Variants in MAMLD1 observed in about 807,000 individuals in gnomAD.
The protein encoded by MAMLD1 is mastermind like domain containing 1.
MAMLD1 carries 14 observed loss-of-function variants against 45.0 expected under a neutral mutation model. The ratio of observed to expected loss-of-function variants is 0.31; its 90% CI spans 0.21 to 0.49. The LOEUF is 0.49. MAMLD1 is among the 20% of genes least tolerant of loss of function. The pLI is 0.99. For synonymous variants in MAMLD1, 254 were observed against 247.8 expected, an observed-to-expected ratio of 1.02 and a Z score of -0.24; for missense variants, 543 against 603.6, an observed-to-expected ratio of 0.90 and a Z score of 1.05.
At chrX:150,508,158 C>T (rs888243060) in intron 6 of MAMLD1, among the ~76,000 whole-genome samples, 13 of 112,634 alleles carry the variant, frequency 1.2e-4, no homozygotes, top group Non-Finnish European at 2.1e-4. Flanking sequence ...CAAGAAGAGC[C>T]AAAGCGAAAG....
chrX:150,453,517 C>G (rs984909469), intron 2 of MAMLD1, among the ~76,000 whole-genome samples: 3 of 111,757 alleles, frequency 2.7e-5, no homozygotes, highest in African/African-American at 9.8e-5. Flanking sequence ...CTCCACACTC[C>G]CAATTCCACC....
At chrX:150,377,436 G>A (rs1161068165) in intron 1 of MAMLD1, among the ~76,000 whole-genome samples, 1 of 112,924 alleles carries the variant, frequency 8.9e-6, no homozygotes, top group Non-Finnish European at 1.9e-5. Context: ...GCAATATTTA[G>A]TGATGTTTCT....
chrX:150,413,334 G>C (rs1352595153), intron 1 of MAMLD1, among the ~76,000 whole-genome samples: 2 of 111,283 alleles, frequency 1.8e-5, no homozygotes, highest in African/African-American at 3.3e-5. Context: ...TGCAATGATG[G>C]AAGCTCAGCC....
intron 5 of MAMLD1, among the ~76,000 whole-genome samples, chrX:150,483,752 G>T (rs1175440362): frequency 9.2e-6 from 1 of 108,621 alleles, no homozygotes; most frequent in Non-Finnish European, 2.0e-5. Context: ...TGTCCTGGTG[G>T]TTCTGTTGTT....
At chrX:150,404,984 C>T (rs1202589501) in intron 1 of MAMLD1, among the ~76,000 whole-genome samples, 1 of 112,304 alleles carries the variant, frequency 8.9e-6, no homozygotes, top group Non-Finnish European at 1.9e-5. Flanking sequence ...CTGCTATCAA[C>T]GTAGCTATAC....
Position 150,503,459 on chromosome X carries a change from G to A in MAMLD1, c.2226G>A (p.Trp742Ter). The A allele has an allele frequency of 8.3e-7, 1 of 1,210,005 alleles. No individual in the cohort carries two copies. Among genetic ancestry groups the A allele is most frequent in the South Asian group, 1.8e-5 (1 of 56,888 alleles). The change falls in exon 6 of 8, where the codon TGG becomes TGA. Residue 742 changes from tryptophan to a stop codon, truncating the protein, a stop_gained. Transcript: ENST00000370401. LOFTEE classifies it high-confidence loss of function. ...STSEAAPWGSWDPKAWRQVPA... is the reference protein window; with the variant it reads ...STSEAAPWGS Reference sequence around the variant, plus strand: ...CAGAGGCAGCGCCCTGGGGCAGCTGGGATCCGAAGGCCTGGAGGCAGGTGC... The same window carrying A: ...CAGAGGCAGCGCCCTGGGGCAGCTGAGATCCGAAGGCCTGGAGGCAGGTGC...
Position 150,469,732 on chromosome X carries a change from C to T in MAMLD1, c.172-13C>T, listed in dbSNP as rs782574053. ...CTCCTCTCTTCTCCTCTTCTCTTCTCTTCCATTCACAGGGAACTGTTAAGA... is the reference window on the plus strand; with the variant it reads ...CTCCTCTCTTCTCCTCTTCTCTTCTTTTCCATTCACAGGGAACTGTTAAGA... On this transcript the variant is annotated splice_polypyrimidine_tract_variant and intron_variant, in intron 3 of 7. Transcript: ENST00000370401. 34 of 1,199,344 alleles carry T rather than the reference C, an allele frequency of 2.8e-5. No individual in the cohort carries two copies. The highest frequency in any genetic ancestry group is 8.8e-5 in the Admixed American group (4 of 45,307).
At chrX:150,407,198 T>TAACAA (rs1433811672) in intron 1 of MAMLD1, among the ~76,000 whole-genome samples, 2 of 112,263 alleles carry the variant, frequency 1.8e-5, no homozygotes, top group South Asian at 3.7e-4. Flanking sequence ...ATTAACATAT[T>TAACAA]AACAAAACAA....
chrX:150,486,258 A>G (rs1421986770), intron 5 of MAMLD1, among the ~76,000 whole-genome samples: 1 of 111,803 alleles, frequency 8.9e-6, no homozygotes, highest in East Asian at 2.8e-4. Context: ...GAGGCTACAA[A>G]TTTCCTCCTG....
At chrX:150,400,456 T>C (rs1557402392) in intron 1 of MAMLD1, among the ~76,000 whole-genome samples, 1 of 111,822 alleles carries the variant, frequency 8.9e-6, no homozygotes. Context: ...TATTTCCTTC[T>C]CCTGCCTCAT....
chrX:150,502,304 A>C (rs2037580310), intron 5 of MAMLD1, among the ~76,000 whole-genome samples: 1 of 112,304 alleles, frequency 8.9e-6, no homozygotes, highest in African/African-American at 3.2e-5. Flanking sequence ...TAATGGACAT[A>C]GATGATCACT....
At chrX:150,375,121 T>C (rs915030863) in intron 1 of MAMLD1, among the ~76,000 whole-genome samples, 1 of 110,614 alleles carries the variant, frequency 9.0e-6, no homozygotes, top group East Asian at 2.8e-4. Context: ...CCTGGAAGTG[T>C]GGAAAGTCTT....
At chrX:150,366,016 C>G (rs892479788) in intron 1 of MAMLD1, among the ~76,000 whole-genome samples, 10 of 112,195 alleles carry the variant, frequency 8.9e-5, no homozygotes, top group African/African-American at 2.9e-4. Context: ...CTGCTCCGCC[C>G]CTGTGCCCCA....
rs782181817 is a variant in MAMLD1 at position 150,471,513 on chromosome X, T to C, written c.1917+23T>C. On this transcript the variant is annotated intron_variant, in intron 4 of 7. Coordinates refer to ENST00000370401, the MANE Select transcript of MAMLD1 (RefSeq NM_005491.5). Reference sequence around the variant, plus strand: ...CAGGTAAGACAATCTCATATCTGGCTGTGTTCTTTTGTTTTGGAAGTAACA... The same window carrying C: ...CAGGTAAGACAATCTCATATCTGGCCGTGTTCTTTTGTTTTGGAAGTAACA... The C allele has an allele frequency of 1.3e-4, 162 of 1,210,433 alleles. No homozygotes were observed. The South Asian group carries it at 2.7e-3, about 20-fold the overall frequency.
intron 1 of MAMLD1, among the ~76,000 whole-genome samples, chrX:150,364,556 C>T (rs1603192116): frequency 8.9e-6 from 1 of 112,151 alleles, no homozygotes; most frequent in South Asian, 3.7e-4. Context: ...GGGAGCACAG[C>T]GTGGCTGGGG....
chrX:150,415,404 C>T lies in MAMLD1; in HGVS notation c.-63-30050C>T, dbSNP rs2034224288. 7.1e-5 allele frequency among the ~76,000 whole-genome samples: 8 copies of T among 112,695 alleles called. No individual in the cohort carries two copies. In the South Asian group the frequency reaches 3.0e-3, roughly 42 times the overall value. ...CCTTTCAGATGCATTAAGGTTACAT[C>T]GTTAACAGGACTTTACTGTACCTTA... On this transcript the variant is annotated intron_variant, in intron 1 of 7. Coordinates refer to ENST00000370401, the MANE Select transcript of MAMLD1 (RefSeq NM_005491.5).
chrX:150,430,500 C>T (rs1373185138), intron 1 of MAMLD1, among the ~76,000 whole-genome samples: 1 of 111,304 alleles, frequency 9.0e-6, no homozygotes, highest in Non-Finnish European at 1.9e-5. Context: ...TGAATTTTTC[C>T]TTTTATGGGT....
intron 5 of MAMLD1, among the ~76,000 whole-genome samples, chrX:150,498,795 A>G (rs1423924165): frequency 8.9e-6 from 1 of 112,375 alleles, no homozygotes; most frequent in Admixed American, 9.4e-5. Flanking sequence ...GCTTTCTTGC[A>G]TTGTTATTAA....
intron 1 of MAMLD1, among the ~76,000 whole-genome samples, chrX:150,376,844 G>C (rs782236636): frequency 1.1e-3 from 116 of 103,394 alleles, no homozygotes; most frequent in African/African-American, 4.1e-3. Context: ...GCTGTTTTAG[G>C]TTTGACTTCA....
Sources: allele counts gnomAD v4.1 joint callset (sites outside exome capture counted in the v4.1 genomes callset), GRCh38; gene constraint gnomAD v4.1.1; transcripts MANE v1.5; gene names NCBI Gene and HGNC (gene_info 2026-07-23, HGNC 2026-07-21).